The following RRM2B variants were observed in gnomAD, a reference collection of about 807,000 sequenced individuals.
The protein encoded by RRM2B is ribonucleoside-diphosphate reductase subunit M2 B.
RRM2B carries 20 observed loss-of-function variants against 45.9 expected under a neutral mutation model. That is an observed-to-expected ratio of 0.44 (90% CI 0.31 to 0.63). RRM2B has a LOEUF of 0.63. Ranked by LOEUF, RRM2B falls within the 30% of genes least tolerant of loss-of-function variation. The pLI is 0.09. For synonymous variants in RRM2B, 124 were observed against 132.3 expected, an observed-to-expected ratio of 0.94 and a Z score of 0.43; for missense variants, 320 against 414.7, an observed-to-expected ratio of 0.77 and a Z score of 1.98.
rs556023620 is a variant in RRM2B, at chr8:102,215,584, T to C, written c.685-1426A>G. ...CTTTAGAGCAGAAAAGAAAGAAAAG[T>C]ACACTTCAAAGAGTCCCAAGCGGGC... On this transcript the variant is annotated intron_variant, in intron 6 of 8. Transcript: ENST00000251810. Among the ~76,000 whole-genome samples the C allele has an allele frequency of 7.2e-5, 11 of 152,108 alleles. 1 individual carries two copies. The South Asian group carries it at 1.7e-3, about 23-fold the overall frequency.
At chr8:102,213,991 A>C (rs2132544787) in intron 7 of RRM2B, 63 bp downstream of exon 7, 1 of 1,124,040 alleles carries the variant, frequency 8.9e-7, no homozygotes, top group East Asian at 2.4e-5. Context: ...ATGAGTCAAT[A>C]TAATAGTGGT....
intron 2 of RRM2B, among the ~76,000 whole-genome samples, chr8:102,230,365 T>C (rs1040444524): frequency 6.6e-6 from 1 of 152,350 alleles, no homozygotes; most frequent in Non-Finnish European, 1.5e-5. Context: ...TAGTGTTGCT[T>C]TGTTACAGGT....
At chr8:102,214,488 T>G (rs1810691677) in intron 6 of RRM2B, 1 of 267,236 alleles carries the variant, frequency 3.7e-6, no homozygotes, top group South Asian at 3.9e-5. Flanking sequence ...TCATTAATTT[T>G]TAAATTTCAA....
intron 2 of RRM2B, 143 bp from the exon 3 acceptor site, chr8:102,226,177 A>AT (rs1810928558): frequency 1.6e-6 from 1 of 632,968 alleles, no homozygotes; most frequent in South Asian, 1.7e-5. Flanking sequence ...CTGCAAAGAA[A>AT]TAAAAAAAAA....
At chr8:102,213,420 T>G (rs1324836464) in intron 7 of RRM2B, among the ~76,000 whole-genome samples, 1 of 152,178 alleles carries the variant, frequency 6.6e-6, no homozygotes, top group Non-Finnish European at 1.5e-5. Flanking sequence ...ATTAACCACT[T>G]GGATTTAGTT....
intron 6 of RRM2B, 83 bp downstream of exon 6, chr8:102,218,725 CAAAAAA>C: frequency 1.4e-5 from 11 of 790,054 alleles, no homozygotes; most frequent in South Asian, 4.8e-5. Context: ...GATCCTGTCT[CAAAAAA>C]AAAAAAAAAA....
intron 4 of RRM2B, 34 bp downstream of exon 4, chr8:102,224,851 A>C: frequency 1.2e-6 from 2 of 1,603,066 alleles, no homozygotes; most frequent in Non-Finnish European, 1.7e-6. Flanking sequence ...ACCAAGCCGT[A>C]AGCAATATTT....
At chr8:102,213,358 T>C (rs2132544043) in intron 7 of RRM2B, among the ~76,000 whole-genome samples, 1 of 152,238 alleles carries the variant, frequency 6.6e-6, no homozygotes, top group African/African-American at 2.4e-5. Context: ...GCTCCAACCA[T>C]ACTGAAAGAC....
In RRM2B at chr8:102,223,998, C is replaced by T. The variant is rs758146820; in HGVS notation, c.550+48G>A. The T allele has an allele frequency of 2.3e-6, 3 of 1,295,390 alleles. No individual in the cohort carries two copies. In the Admixed American group the frequency reaches 5.0e-5, roughly 22 times the overall value. The allele number at this position is 1,295,390 out of a possible 1,614,324, so 80.2% of individuals were successfully genotyped here. A position where few individuals can be genotyped will look rare whatever the true frequency, so the allele number is the denominator to read the frequency against. On this transcript the variant is annotated intron_variant, in intron 5 of 8. Coordinates refer to ENST00000251810, the MANE Select transcript of RRM2B (RefSeq NM_015713.5). Reference sequence around the variant, plus strand: ...ATAGTCACACCACATAAAATACTGTCATATCACCTTAGGCAAATCTGATCA... The same window carrying T: ...ATAGTCACACCACATAAAATACTGTTATATCACCTTAGGCAAATCTGATCA...
chr8:102,223,504 C>T (rs1050760859), intron 5 of RRM2B, among the ~76,000 whole-genome samples: 5 of 151,996 alleles, frequency 3.3e-5, no homozygotes, highest in African/African-American at 1.2e-4. Flanking sequence ...ACTAGTCTGG[C>T]CAACATGGCA....
intron 4 of RRM2B, 104 bp from the exon 5 acceptor site, chr8:102,224,244 C>T (rs368388348): frequency 5.2e-5 from 39 of 743,434 alleles, no homozygotes; most frequent in East Asian, 2.9e-5. Flanking sequence ...TGCAGTGGCA[C>T]GATCTCGGCT....
chr8:102,237,513 T>TA (rs1209742593), intron 1 of RRM2B, among the ~76,000 whole-genome samples: 2 of 152,232 alleles, frequency 1.3e-5, no homozygotes, highest in Admixed American at 1.3e-4. Context: ...GGTCTCCTAT[T>TA]ATGCACTCTG....
chr8:102,232,608 A>C (rs537327977), intron 1 of RRM2B, among the ~76,000 whole-genome samples: 1 of 152,310 alleles, frequency 6.6e-6, no homozygotes, highest in South Asian at 2.1e-4. Flanking sequence ...AGCACTCAAA[A>C]ATTATTGTAA....
intron 2 of RRM2B, among the ~76,000 whole-genome samples, chr8:102,230,919 CA>C (rs1461101430): frequency 6.6e-6 from 1 of 152,204 alleles, no homozygotes. Context: ...GTAACTTTCC[CA>C]GTTCCATAGC....
Position 102,213,991 on chromosome 8 carries a change from A to G in RRM2B, c.789+63T>C. On this transcript the variant is annotated intron_variant, in intron 7 of 8. Transcript: ENST00000251810. The stretch of plus-strand genomic sequence containing the variant: ...CCTACAGAATTTCTTATGAGTCAAT[A>G]TAATAGTGGTACAAACATCAGAGAA... 2.7e-6 allele frequency: 3 copies of G among 1,124,040 alleles called. No individual in the cohort carries two copies. In the South Asian group the frequency reaches 3.7e-5, roughly 14 times the overall value. The allele number at this position is 1,124,040 out of a possible 1,614,324, so 69.6% of individuals were successfully genotyped here.
At chr8:102,215,621 G>C (rs28928601) in intron 6 of RRM2B, among the ~76,000 whole-genome samples, 5,331 of 152,094 alleles carry the variant, frequency 0.035, 162 homozygotes, top group Admixed American at 0.085. Context: ...CAGAGGTCAA[G>C]TACCTAAATG....
chr8:102,215,003 C>G (rs1436636285), intron 6 of RRM2B, among the ~76,000 whole-genome samples: 1 of 103,968 alleles, frequency 9.6e-6, no homozygotes, highest in Non-Finnish European at 1.9e-5. Context: ...CTACAATAAT[C>G]AGGACTCCAA....
intron 5 of RRM2B, among the ~76,000 whole-genome samples, chr8:102,223,362 T>C (rs1810867502): frequency 6.6e-6 from 1 of 152,140 alleles, no homozygotes; most frequent in African/African-American, 2.4e-5. Flanking sequence ...ACTAGATATT[T>C]GTTTCCTGAA....
chr8:102,219,956 C>T (rs919551679), intron 5 of RRM2B, among the ~76,000 whole-genome samples: 1 of 152,164 alleles, frequency 6.6e-6, no homozygotes, highest in Admixed American at 6.6e-5. Context: ...CCATTCTAGG[C>T]CAAGTGCTGC....
Sources: gnomAD v4.1 joint callset for allele counts (sites outside exome capture counted in the v4.1 genomes callset) on GRCh38, gnomAD v4.1.1 for gene constraint, MANE v1.5 for transcripts, NCBI Gene and HGNC (gene_info 2026-07-23, HGNC 2026-07-21) for gene names.